Variants in CSMD1 observed in about 807,000 individuals in gnomAD.
The protein encoded by CSMD1 is CUB and sushi domain-containing protein 1.
A neutral mutation model predicts 417.5 loss-of-function variants in CSMD1; 213 were observed. The observed-to-expected ratio is 0.51, with a 90% confidence interval of 0.46 to 0.57. The LOEUF (loss-of-function observed/expected upper bound fraction) is 0.57. Among genes scored for constraint, CSMD1 ranks in the 20% least tolerant of loss-of-function variants. CSMD1 has a pLI of 0.00. For synonymous variants in CSMD1, 2,862 were observed against 1,736.8 expected, an observed-to-expected ratio of 1.65 and a Z score of -16.11; for missense variants, 6,923 against 4,529.7, an observed-to-expected ratio of 1.53 and a Z score of -15.17.
intron 5 of CSMD1, among the ~76,000 whole-genome samples, chr8:3,842,032 A>G (rs372447540): frequency 2.0e-5 from 3 of 152,322 alleles, no homozygotes; most frequent in Non-Finnish European, 2.9e-5. Flanking sequence ...CTTTCTTTCT[A>G]ATGCATACCC....
rs185394145 is a variant in CSMD1, at chr8:3,255,537, C to A, written c.4154-25306G>T. Among the ~76,000 whole-genome samples the A allele has an allele frequency of 2.9e-3, 443 of 152,330 alleles. 2 individuals carry two copies. The highest frequency in any genetic ancestry group is 0.01 in the African/African-American group (422 of 41,584). On this transcript the variant is annotated intron_variant, in intron 26 of 69. Coordinates refer to ENST00000635120, the MANE Select transcript of CSMD1 (RefSeq NM_033225.6). ...CCACCCAGTTCGAGCTTCCCACCTG[C>A]TTTGTTTACCTACTCAAGCCTGTGC...
chr8:4,406,257 G>A (rs921648172), intron 3 of CSMD1, among the ~76,000 whole-genome samples: 5 of 152,064 alleles, frequency 3.3e-5, no homozygotes, highest in Non-Finnish European at 4.4e-5. Context: ...CTCTCCTGGT[G>A]CATTTGCCCT....
chr8:3,303,878 C>T (rs879112808), intron 25 of CSMD1, among the ~76,000 whole-genome samples: 2 of 151,954 alleles, frequency 1.3e-5, no homozygotes, highest in Admixed American at 1.3e-4. Flanking sequence ...CTATAGCATA[C>T]ATGTTAAAAT....
At chr8:3,411,418 T>C (rs1473828002) in intron 12 of CSMD1, among the ~76,000 whole-genome samples, 1 of 151,974 alleles carries the variant, frequency 6.6e-6, no homozygotes, top group Admixed American at 6.5e-5. Flanking sequence ...GCTGCGTTCA[T>C]TTTGTAGTCT....
Position 4,225,519 on chromosome 8 carries a change from T to TA in CSMD1, c.416-193421dup, listed in dbSNP as rs1554499890. Among the ~76,000 whole-genome samples the TA allele has an allele frequency of 1.8e-3, 255 of 143,404 alleles. 1 individual carries two copies. The highest frequency in any genetic ancestry group is 6.1e-3 in the African/African-American group (243 of 39,754). The allele number at this position is 143,404 out of a possible 152,430, so 94.1% of individuals were successfully genotyped here. A position where few individuals can be genotyped will look rare whatever the true frequency, so the allele number is the denominator to read the frequency against. ...AACTCATCACTTTTTTTTTTTTTTT[T>TA]ATTCCTTTTTGCCTCTATTTTTTCT... On this transcript the variant is annotated intron_variant, in intron 3 of 69. Coordinates refer to ENST00000635120, the MANE Select transcript of CSMD1 (RefSeq NM_033225.6).
chr8:4,161,004 C>G (rs946212498), intron 3 of CSMD1, among the ~76,000 whole-genome samples: 1 of 152,040 alleles, frequency 6.6e-6, no homozygotes, highest in Non-Finnish European at 1.5e-5. Flanking sequence ...TCACTTTGTC[C>G]TTCTTCTTCT....
At position 4,104,702 on chromosome 8, in the gene CSMD1, A is replaced by G. The variant is rs548750092; in HGVS notation, c.416-72603T>C. On this transcript the variant is annotated intron_variant, in intron 3 of 69. Coordinates refer to ENST00000635120, the MANE Select transcript of CSMD1 (RefSeq NM_033225.6). The stretch of plus-strand genomic sequence containing the variant: ...GCACAGTTCCAGGCGGTTTCACACA[A>G]TAGCTGGCAACAGTCCCAAGAGGAA... 3.5e-4 allele frequency among the ~76,000 whole-genome samples: 54 copies of G among 152,336 alleles called. No individual in the cohort carries two copies. The South Asian group carries it at 0.01, about 29-fold the overall frequency.
intron 37 of CSMD1, among the ~76,000 whole-genome samples, chr8:3,177,133 T>A (rs1282790184): frequency 6.6e-6 from 1 of 152,122 alleles, no homozygotes; most frequent in Non-Finnish European, 1.5e-5. Context: ...AGCCGCATGC[T>A]ACGTGTGAAG....
At chr8:4,798,105 T>C (rs1456628508) in intron 1 of CSMD1, among the ~76,000 whole-genome samples, 3 of 152,234 alleles carry the variant, frequency 2.0e-5, no homozygotes, top group Non-Finnish European at 4.4e-5. Flanking sequence ...GTTGGCATGC[T>C]GTACCCAATA....
chr8:4,323,738 C>G (rs1303258937), intron 3 of CSMD1, among the ~76,000 whole-genome samples: 2 of 140,146 alleles, frequency 1.4e-5, no homozygotes, highest in Non-Finnish European at 3.2e-5. Context: ...TATTTCACAT[C>G]CGCTCACTCA....
At chr8:4,569,349 G>C (rs1325731942) in intron 2 of CSMD1, among the ~76,000 whole-genome samples, 3 of 152,166 alleles carry the variant, frequency 2.0e-5, no homozygotes, top group Admixed American at 1.3e-4. Context: ...TCCAGTTACA[G>C]TTTTCTGCAT....
intron 5 of CSMD1, among the ~76,000 whole-genome samples, chr8:3,969,540 T>A (rs535220275): frequency 6.6e-6 from 1 of 152,102 alleles, no homozygotes; most frequent in Admixed American, 6.5e-5. Context: ...CTCTGTAAAA[T>A]GAAAATAAAA....
At chr8:3,965,097 A>G (rs1812579990) in intron 5 of CSMD1, among the ~76,000 whole-genome samples, 1 of 152,200 alleles carries the variant, frequency 6.6e-6, no homozygotes, top group African/African-American at 2.4e-5. Context: ...GACTTAGTAA[A>G]TGGATAACTT....
chr8:4,744,465 C>G (rs774295899), intron 1 of CSMD1, among the ~76,000 whole-genome samples: 2 of 152,140 alleles, frequency 1.3e-5, no homozygotes, highest in South Asian at 4.1e-4. Flanking sequence ...AAAATGCTCT[C>G]CATAAGTGAG....
chr8:4,129,922 A>T (rs963660905), intron 3 of CSMD1, among the ~76,000 whole-genome samples: 1 of 152,100 alleles, frequency 6.6e-6, no homozygotes, highest in African/African-American at 2.4e-5. Context: ...GGTAATTTTA[A>T]CAATTATATA....
chr8:4,489,396 A>C (rs1446848156), intron 2 of CSMD1, among the ~76,000 whole-genome samples: 1 of 152,188 alleles, frequency 6.6e-6, no homozygotes, highest in Admixed American at 6.5e-5. Flanking sequence ...ATCCCCACCA[A>C]AACATTTACC....
chr8:3,787,290 G>C (rs1054145730), intron 5 of CSMD1, among the ~76,000 whole-genome samples: 46 of 152,090 alleles, frequency 3.0e-4, no homozygotes, highest in African/African-American at 1.1e-3. Context: ...ATCAATTTTA[G>C]AAAATTGATT....
At chr8:4,412,424 A>G (rs1024228222) in intron 3 of CSMD1, among the ~76,000 whole-genome samples, 2 of 152,176 alleles carry the variant, frequency 1.3e-5, no homozygotes, top group African/African-American at 2.4e-5. Context: ...GCCTTCTACC[A>G]TGATTGGAAG....
chr8:3,758,112 G>C (rs10104326), intron 5 of CSMD1, among the ~76,000 whole-genome samples: 147,763 of 152,074 alleles, frequency 0.97, 71,878 homozygotes, highest in Non-Finnish European at 1. Flanking sequence ...TACAGGCACC[G>C]GCCACCACAC....
Sources: allele counts gnomAD v4.1 joint callset (sites outside exome capture counted in the v4.1 genomes callset), GRCh38; gene constraint gnomAD v4.1.1; transcripts MANE v1.5; gene names NCBI Gene and HGNC (gene_info 2026-07-23, HGNC 2026-07-21).